Variants in TSKS observed in about 807,000 individuals in gnomAD.
TSKS encodes the protein testis specific serine kinase substrate, also known as testis-specific serine kinase substrate.
In TSKS, 27 loss-of-function variants were observed where a neutral mutation model predicts 68.0. The ratio of observed to expected loss-of-function variants is 0.40; its 90% CI spans 0.29 to 0.55. The LOEUF is 0.55. Ranked by LOEUF, TSKS falls within the 20% of genes least tolerant of loss-of-function variation. TSKS has a pLI of 0.53. For missense variants in TSKS, 806 were observed against 776.0 expected (o/e 1.04, Z -0.46); for synonymous variants, 331 against 340.4 (o/e 0.97, Z 0.30).
At chr19:49,742,822 G>A (rs931200009) in intron 8 of TSKS, among the ~76,000 whole-genome samples, 52 of 152,054 alleles carry the variant, frequency 3.4e-4, no homozygotes, top group African/African-American at 1.3e-3. Context: ...AAGGGCACCA[G>A]ACAGCCCTCA....
intron 2 of TSKS, among the ~76,000 whole-genome samples, chr19:49,760,210 G>A (rs996072903): frequency 6.6e-6 from 1 of 152,060 alleles, no homozygotes; most frequent in Non-Finnish European, 1.5e-5. Flanking sequence ...TGGGCATGGT[G>A]TTGCACTCCT....
intron 7 of TSKS, 98 bp from the exon 8 acceptor site, chr19:49,744,502 T>TGG: frequency 7.8e-7 from 1 of 1,289,262 alleles, no homozygotes; most frequent in Non-Finnish European, 1.1e-6. Context: ...CGTCTCCATC[T>TGG]GGTCAGCAAT....
In TSKS at chr19:49,740,079, C is replaced by T; in HGVS notation, c.1602G>A (p.Leu534=). The change falls in exon 10 of 11, where the codon CTG becomes CTA. Residue 534 remains leucine (L), a synonymous_variant. Coordinates refer to ENST00000246801, the MANE Select transcript of TSKS (RefSeq NM_021733.2). ...CTCACTCTGGCTTCATCTTGTCTGT[C>T]AGCAGTAGGTTCTTGGCCCGCAGGG... ...DEALRAKNLL[L]TDKMKPEEKM... 6.2e-7 allele frequency: 1 copy of T among 1,614,122 alleles called. No individual in the cohort carries two copies. Among genetic ancestry groups the T allele is most frequent in the South Asian group, 1.1e-5 (1 of 91,052 alleles).
intron 9 of TSKS, 58 bp from the exon 10 acceptor site, chr19:49,740,241 GGA>G: frequency 1.9e-6 from 3 of 1,565,574 alleles, no homozygotes; most frequent in Non-Finnish European, 2.6e-6. Context: ...GGGTGGAGGG[GGA>G]ACTGGATTGC....
intron 2 of TSKS, among the ~76,000 whole-genome samples, chr19:49,755,979 C>T (rs540008081): frequency 1.6e-4 from 25 of 151,648 alleles, no homozygotes; most frequent in Non-Finnish European, 2.6e-4. Flanking sequence ...CTAGTGTGGG[C>T]GACAGAGCGA....
chr19:49,754,991 G>T (rs2084381945), intron 2 of TSKS, among the ~76,000 whole-genome samples: 1 of 152,148 alleles, frequency 6.6e-6, no homozygotes, highest in African/African-American at 2.4e-5. Flanking sequence ...CAGCTACTCG[G>T]GAGGCTGAGG....
rs954038225 is a variant in TSKS, at chr19:49,748,413, T to C, written c.456A>G (p.Glu152=). 3 of 1,614,084 alleles carry C rather than the reference T, an allele frequency of 1.9e-6. No individual in the cohort carries two copies. The highest frequency in any genetic ancestry group is 2.7e-5 in the African/African-American group (2 of 74,934). The part of the protein sequence containing the change: ...RAKDSITSLK[E]KTNRVNQHVQ... ...CGTGCTGGTTAACCCGGTTGGTCTT[T>C]TCCTTCAAGCTGGTGATGGAGTCTT... is the stretch of plus-strand genomic sequence containing the variant. The change falls in exon 3 of 11, where the codon GAA becomes GAG. Residue 152 remains glutamate (E), a synonymous_variant. Coordinates refer to ENST00000246801, the MANE Select transcript of TSKS (RefSeq NM_021733.2).
At chr19:49,757,890 C>CTTTTTT (rs745890038) in intron 2 of TSKS, among the ~76,000 whole-genome samples, 1 of 130,174 alleles carries the variant, frequency 7.7e-6, no homozygotes. Context: ...TCTCTGTCTT[C>CTTTTTT]TTTTTTTTTT....
intron 8 of TSKS, among the ~76,000 whole-genome samples, chr19:49,742,496 C>CTTTTT (rs978089309): frequency 4.9e-5 from 5 of 101,216 alleles, no homozygotes; most frequent in Admixed American, 1.1e-4. Context: ...GGGCCCGGCC[C>CTTTTT]TTTTTTTTTT....
chr19:49,744,446 C>T (rs376397385), intron 7 of TSKS, 42 bp from the exon 8 acceptor site: 5 of 1,583,366 alleles, frequency 3.2e-6, no homozygotes, highest in South Asian at 1.1e-5. Flanking sequence ...GTCTCTTCAG[C>T]GGTATAACCC....
At chr19:49,743,590 C>T (rs576450158) in intron 8 of TSKS, among the ~76,000 whole-genome samples, 4 of 151,428 alleles carry the variant, frequency 2.6e-5, no homozygotes, top group South Asian at 2.1e-4. Flanking sequence ...CTCCACCTCC[C>T]GGATTTACGC....
intron 2 of TSKS, among the ~76,000 whole-genome samples, chr19:49,760,686 A>G (rs2084432928): frequency 6.6e-6 from 1 of 152,004 alleles, no homozygotes; most frequent in South Asian, 2.1e-4. Context: ...GCTACTCAGA[A>G]GGCTGAGATG....
At chr19:49,747,605 C>T in intron 4 of TSKS, 133 bp from the exon 5 acceptor site, 1 of 879,530 alleles carries the variant, frequency 1.1e-6, no homozygotes, top group Non-Finnish European at 1.8e-6. Flanking sequence ...CAGCTCATTT[C>T]CTTGGCTAAG....
chr19:49,762,242 AG>A lies in TSKS; in HGVS notation c.171-11del. ...CATCTGGGGCTCCACCCTGCAGAGA[AG>A]AAACAGGCAGAAAAGTGGAGAAGCA... On this transcript the variant is annotated splice_polypyrimidine_tract_variant and intron_variant, in intron 1 of 10. Coordinates refer to ENST00000246801, the MANE Select transcript of TSKS (RefSeq NM_021733.2). 1 of 1,609,352 alleles carries A rather than the reference AG, an allele frequency of 6.2e-7. No individual in the cohort carries two copies. Among genetic ancestry groups the A allele is most frequent in the African/African-American group, 1.3e-5 (1 of 74,922 alleles).
chr19:49,743,647 G>T (rs1012345509), intron 8 of TSKS, among the ~76,000 whole-genome samples: 2 of 151,682 alleles, frequency 1.3e-5, no homozygotes, highest in Non-Finnish European at 2.9e-5. Context: ...ACAGGCACCC[G>T]CCACCACGCC....
chr19:49,747,253 C>A (rs1447546021), intron 5 of TSKS, 136 bp downstream of exon 5: 1 of 1,564,710 alleles, frequency 6.4e-7, no homozygotes, highest in Admixed American at 1.9e-5. Context: ...TCAGCGAGTT[C>A]TAAGGATGAC....
chr19:49,748,979 C>T (rs1226179600), intron 2 of TSKS, among the ~76,000 whole-genome samples: 1 of 152,032 alleles, frequency 6.6e-6, no homozygotes, highest in Non-Finnish European at 1.5e-5. Context: ...AGGAGAATTG[C>T]TTGAACCTGG....
chr19:49,748,315 C>T, intron 3 of TSKS, 59 bp downstream of exon 3: 1 of 1,591,480 alleles, frequency 6.3e-7, no homozygotes, highest in Admixed American at 1.7e-5. Flanking sequence ...AGGCAGGCTC[C>T]AAGAAGGGAA....
At chr19:49,745,496 A>C (rs929681022) in intron 6 of TSKS, 100 bp from the exon 7 acceptor site, 4 of 1,021,762 alleles carry the variant, frequency 3.9e-6, no homozygotes, top group African/African-American at 1.6e-5. Context: ...ATCTCGCCCC[A>C]CTGAGACCAT....
Sources: gnomAD v4.1 joint callset for allele counts (sites outside exome capture counted in the v4.1 genomes callset) on GRCh38, gnomAD v4.1.1 for gene constraint, MANE v1.5 for transcripts, NCBI Gene and HGNC (gene_info 2026-07-23, HGNC 2026-07-21) for gene names.